Variants in OXR1 observed in about 807,000 individuals in gnomAD.
OXR1 encodes the protein oxidation resistance protein 1.
A neutral mutation model predicts 104.6 loss-of-function variants in OXR1; 41 were observed. That is an observed-to-expected ratio of 0.39 (90% confidence interval 0.31 to 0.51). OXR1 has a LOEUF of 0.51. OXR1 is among the 20% of genes least tolerant of loss of function. The pLI is 0.77. For missense variants in OXR1, 955 were observed against 1,031.9 expected (o/e 0.93, Z 1.02); for synonymous variants, 348 against 348.4 (o/e 1.00, Z 0.01).
chr8:106,538,618 CTA>C (rs1814723924), intron 3 of OXR1, among the ~76,000 whole-genome samples: 1 of 152,106 alleles, frequency 6.6e-6, no homozygotes, highest in Non-Finnish European at 1.5e-5. Flanking sequence ...TAGCACAACT[CTA>C]TTGCTGGATT....
intron 2 of OXR1, among the ~76,000 whole-genome samples, chr8:106,411,995 A>G (rs905985167): frequency 2.0e-5 from 3 of 152,174 alleles, no homozygotes; most frequent in Non-Finnish European, 4.4e-5. Context: ...GCTTCTCAGC[A>G]ATAAAGTGGA....
chr8:106,538,226 G>C (rs1300245672), intron 3 of OXR1, among the ~76,000 whole-genome samples: 1 of 151,976 alleles, frequency 6.6e-6, no homozygotes, highest in African/African-American at 2.4e-5. Flanking sequence ...ACCCCTTTAG[G>C]CCTCAAATTC....
chr8:106,618,627 T>C (rs969276043), intron 3 of OXR1, among the ~76,000 whole-genome samples: 2 of 152,206 alleles, frequency 1.3e-5, no homozygotes, highest in Non-Finnish European at 2.9e-5. Context: ...ATTTCCATGT[T>C]GCCTTACCTT....
intron 3 of OXR1, among the ~76,000 whole-genome samples, chr8:106,676,188 T>G (rs1827572375): frequency 6.6e-6 from 1 of 152,164 alleles, no homozygotes; most frequent in African/African-American, 2.4e-5. Flanking sequence ...TACCTTTATT[T>G]TGAGCCTATG....
chr8:106,366,178 A>G (rs1301642757), intron 2 of OXR1, among the ~76,000 whole-genome samples: 1 of 152,220 alleles, frequency 6.6e-6, no homozygotes, highest in Non-Finnish European at 1.5e-5. Context: ...GGTCACATAT[A>G]TCATCTTCCT....
rs557046455 is a variant in OXR1, at chr8:106,733,894, C to T, written c.1957-3626C>T. 6.6e-5 allele frequency among the ~76,000 whole-genome samples: 10 copies of T among 151,006 alleles called. No homozygotes were observed. The South Asian group carries it at 1.7e-3, about 25-fold the overall frequency. ...TATGGCTCCCTCCCCTCTTCCTTCC[C>T]TTTTTTTTCCTTTTCCCAGTATTGA... On this transcript the variant is annotated intron_variant, in intron 11 of 16. Transcript: ENST00000517566.
chr8:106,628,819 G>A (rs1260095992), intron 3 of OXR1, among the ~76,000 whole-genome samples: 2 of 152,154 alleles, frequency 1.3e-5, no homozygotes, highest in East Asian at 1.9e-4. Context: ...CATTGTCTTC[G>A]TACCCTCAGG....
intron 1 of OXR1, among the ~76,000 whole-genome samples, chr8:106,336,384 T>A (rs1266053061): frequency 1.3e-5 from 2 of 152,190 alleles, no homozygotes; most frequent in East Asian, 3.9e-4. Flanking sequence ...GAGACTTGAT[T>A]GTGTTCCATC....
At chr8:106,353,144 C>T (rs982375477) in intron 1 of OXR1, among the ~76,000 whole-genome samples, 31 of 152,114 alleles carry the variant, frequency 2.0e-4, no homozygotes, top group African/African-American at 6.3e-4. Context: ...GTCAGAAATT[C>T]GAGAGACCAG....
intron 3 of OXR1, among the ~76,000 whole-genome samples, chr8:106,550,161 T>G (rs1357568857): frequency 6.6e-6 from 1 of 152,166 alleles, no homozygotes; most frequent in Non-Finnish European, 1.5e-5. Context: ...ACCTGTGGTG[T>G]TAATTTTGGT....
chr8:106,610,995 C>T (rs1358367311), intron 3 of OXR1, among the ~76,000 whole-genome samples: 1 of 152,144 alleles, frequency 6.6e-6, no homozygotes, highest in Non-Finnish European at 1.5e-5. Flanking sequence ...GTTCCAGACA[C>T]TATTTTGGGT....
In OXR1 at chr8:106,425,569, G is replaced by A. The variant is rs534771554; in HGVS notation, c.23+65933G>A. Among the ~76,000 whole-genome samples, 110 of 152,222 alleles carry A rather than the reference G, an allele frequency of 7.2e-4. 2 individuals carry two copies. The South Asian group carries it at 0.022, about 30-fold the overall frequency. ...CATTATTGGTCTTGTTTCTTTCAAC[G>A]TCTGGGATGGTAAAAGGGACACACC... On this transcript the variant is annotated intron_variant, in intron 2 of 16. Transcript: ENST00000517566.
chr8:106,356,715 A>G (rs889535454), intron 1 of OXR1, among the ~76,000 whole-genome samples: 1 of 137,424 alleles, frequency 7.3e-6, no homozygotes, highest in African/African-American at 2.9e-5. Flanking sequence ...AAAAGGTTAA[A>G]ATTGAAGTTG....
At position 106,752,052 on chromosome 8, in the gene OXR1, T is replaced by C. The variant is rs1050120808; in HGVS notation, c.*1111T>C. On this transcript the variant is annotated 3_prime_UTR_variant, in exon 17 of 17. Coordinates refer to ENST00000517566, the MANE Select transcript of OXR1 (RefSeq NM_001198533.2). ...AGATAGAATACACTAGTAGTTCTTA[T>C]CCTCTTTTGTAGGAAACCAATAATA... is the stretch of plus-strand genomic sequence containing the variant. 1 of 152,576 alleles carries C rather than the reference T, an allele frequency of 6.6e-6. No homozygotes were observed. Among genetic ancestry groups the C allele is most frequent in the East Asian group, 1.9e-4 (1 of 5,208 alleles). The allele number at this position is 152,576 out of a possible 1,614,324, so 9.5% of individuals were successfully genotyped here. A position where few individuals can be genotyped will look rare whatever the true frequency, so the allele number is the denominator to read the frequency against.
chr8:106,658,237 G>A, intron 3 of OXR1: 1 of 1,230,270 alleles, frequency 8.1e-7, no homozygotes, highest in Non-Finnish European at 1.0e-6. Context: ...GCTGAGGGCT[G>A]TGGGGAGGCG....
chr8:106,313,996 C>T (rs887056502), intron 1 of OXR1, among the ~76,000 whole-genome samples: 2 of 152,216 alleles, frequency 1.3e-5, no homozygotes, highest in East Asian at 3.9e-4. Flanking sequence ...TATGTTTCCA[C>T]GGAACTAGTT....
At chr8:106,271,381 C>G (rs1270292477) in intron 1 of OXR1, among the ~76,000 whole-genome samples, 1 of 152,052 alleles carries the variant, frequency 6.6e-6, no homozygotes, top group Non-Finnish European at 1.5e-5. Flanking sequence ...GTTCCCGGCA[C>G]GCTCAGGGTG....
intron 3 of OXR1, chr8:106,581,285 T>C (rs1395073458): frequency 2.4e-6 from 3 of 1,270,714 alleles, no homozygotes; most frequent in Non-Finnish European, 3.1e-6. Flanking sequence ...TCTATTTTTT[T>C]TTAATTTTTC....
chr8:106,397,858 A>G (rs1166196674), intron 2 of OXR1, among the ~76,000 whole-genome samples: 1 of 152,112 alleles, frequency 6.6e-6, no homozygotes, highest in Non-Finnish European at 1.5e-5. Flanking sequence ...ACAAAAATGT[A>G]TTGTCTCACA....
Sources: gnomAD v4.1 joint callset for allele counts (sites outside exome capture counted in the v4.1 genomes callset) on GRCh38, gnomAD v4.1.1 for gene constraint, MANE v1.5 for transcripts, NCBI Gene and HGNC (gene_info 2026-07-23, HGNC 2026-07-21) for gene names.